RBFOX1: variants seen among roughly 807,000 people sequenced by gnomAD.
The protein encoded by RBFOX1 is RNA binding fox-1 homolog 1.
A neutral mutation model predicts 57.7 loss-of-function variants in RBFOX1; 8 were observed. The observed-to-expected ratio is 0.14, with a 90% CI of 0.08 to 0.25. The LOEUF (loss-of-function observed/expected upper bound fraction) is 0.25, where lower values mean the gene tolerates loss of function less well. Ranked by LOEUF, RBFOX1 falls within the 10% of genes least tolerant of loss-of-function variation. RBFOX1 has a pLI of 1.00. For missense variants in RBFOX1, 611 were observed against 548.5 expected, an observed-to-expected ratio of 1.11 and a Z score of -1.14; for synonymous variants, 326 against 222.4, an observed-to-expected ratio of 1.47 and a Z score of -4.15.
At chr16:7,269,476 G>C (rs1393645808) in intron 4 of RBFOX1, among the ~76,000 whole-genome samples, 1 of 152,092 alleles carries the variant, frequency 6.6e-6, no homozygotes, top group Non-Finnish European at 1.5e-5. Context: ...GAGAGAGAGA[G>C]AGGCAGACAG....
chr16:6,738,311 A>T (rs1285743973), intron 3 of RBFOX1, among the ~76,000 whole-genome samples: 1 of 151,988 alleles, frequency 6.6e-6, no homozygotes, highest in Non-Finnish European at 1.5e-5. Context: ...AGAGGAGGGG[A>T]ACTGAGATGA....
chr16:7,056,157 C>A (rs955637026), intron 4 of RBFOX1, among the ~76,000 whole-genome samples: 4 of 152,160 alleles, frequency 2.6e-5, no homozygotes, highest in Non-Finnish European at 5.9e-5. Flanking sequence ...CAGATGCTGT[C>A]CATGAGCTTC....
chr16:6,896,386 CTTT>C (rs1217965494), intron 3 of RBFOX1, among the ~76,000 whole-genome samples: 1 of 152,072 alleles, frequency 6.6e-6, no homozygotes, highest in Non-Finnish European at 1.5e-5. Flanking sequence ...CTTTTTCTTT[CTTT>C]TTTTCTTTAA....
rs537772475 is a variant in RBFOX1, at chr16:7,448,548, A to G, written c.28-69599A>G. ...AACAGCATGGGGAAGACCCACCTCTATGATTCAGTTACCTCCAACCGGGTC... is the reference window on the plus strand; with the variant it reads ...AACAGCATGGGGAAGACCCACCTCTGTGATTCAGTTACCTCCAACCGGGTC... On this transcript the variant is annotated intron_variant, in intron 4 of 15. Transcript: ENST00000550418. Among the ~76,000 whole-genome samples the G allele has an allele frequency of 1.1e-3, 170 of 152,276 alleles. 1 individual carries two copies. The highest frequency in any genetic ancestry group is 3.7e-3 in the African/African-American group (153 of 41,554).
chr16:5,377,739 G>A (rs139038228), intron 1 of RBFOX1, among the ~76,000 whole-genome samples: 4 of 151,448 alleles, frequency 2.6e-5, no homozygotes, highest in East Asian at 1.9e-4. Flanking sequence ...AAGACAGAAC[G>A]TCTGTCTCCA....
rs556663213 is a variant in RBFOX1, at chr16:6,226,971, A to G, written c.-126-90024A>G. The stretch of plus-strand genomic sequence containing the variant: ...TAAAAAAAAAAAAAAAAAAAATACA[A>G]AAATTAGCTGGGTGTGGTAGCAGGC... On this transcript the variant is annotated intron_variant, in intron 1 of 15. Coordinates refer to ENST00000550418, the MANE Select transcript of RBFOX1 (RefSeq NM_018723.4). Among the ~76,000 whole-genome samples, 13 of 151,418 alleles carry G rather than the reference A, an allele frequency of 8.6e-5. No homozygotes were observed. In the East Asian group the frequency reaches 2.5e-3, roughly 29 times the overall value.
At chr16:5,990,980 G>GA (rs562706023) in intron 4 of RBFOX1, among the ~76,000 whole-genome samples, 5 of 151,654 alleles carry the variant, frequency 3.3e-5, no homozygotes, top group East Asian at 1.9e-4. Context: ...GTCAGAGAGA[G>GA]AAAAAAAATA....
chr16:6,707,478 G>GTTTTTTTTTTTTT (rs61418784), intron 3 of RBFOX1, among the ~76,000 whole-genome samples: 6 of 128,306 alleles, frequency 4.7e-5, no homozygotes, highest in African/African-American at 1.8e-4. Flanking sequence ...TCCCATTTTT[G>GTTTTTTTTTTTTT]TTTTTTTTTT....
rs577436056 is a variant in RBFOX1 at position 5,698,060 on chromosome 16, G to A, written c.318+99099G>A. ...TTAATAGGAGTTCTGGTTTTGAATC[G>A]TTATTGGATTTTTGGACTAAACATT... is the stretch of plus-strand genomic sequence containing the variant. On this transcript the variant is annotated intron_variant, in intron 3 of 19. Coordinates refer to the RBFOX1 transcript ENST00000641259. Among the ~76,000 whole-genome samples, 14 of 152,114 alleles carry A rather than the reference G, an allele frequency of 9.2e-5. 1 individual carries two copies. The South Asian group carries it at 1.9e-3, about 20-fold the overall frequency.
At chr16:6,934,367 A>AT (rs570301951) in intron 3 of RBFOX1, among the ~76,000 whole-genome samples, 31 of 152,188 alleles carry the variant, frequency 2.0e-4, no homozygotes, top group Non-Finnish European at 4.1e-4. Flanking sequence ...ATATGTGAGT[A>AT]TTTTTTTACA....
intron 11 of RBFOX1, among the ~76,000 whole-genome samples, chr16:7,650,003 G>GAGGGGGGAAGGACAGGA (rs1555715870): frequency 1.3e-5 from 2 of 149,450 alleles, no homozygotes; most frequent in Non-Finnish European, 3.0e-5. Flanking sequence ...AAAGGAAAAG[G>GAGGGGGGAAGGACAGGA]AGGAGGGAAG....
chr16:6,781,777 G>C (rs1277664417), intron 3 of RBFOX1, among the ~76,000 whole-genome samples: 1 of 151,834 alleles, frequency 6.6e-6, no homozygotes. Flanking sequence ...TATTTTCTTA[G>C]CTCTGATTTC....
chr16:6,298,679 C>G (rs186884733), intron 1 of RBFOX1, among the ~76,000 whole-genome samples: 1 of 152,240 alleles, frequency 6.6e-6, no homozygotes, highest in Admixed American at 6.5e-5. Flanking sequence ...AGTGAAAATA[C>G]CCTTAGTGTT....
At chr16:7,704,711 T>TACAACATGAAGGGGTAGGGATGAA (rs2081887770) in intron 14 of RBFOX1, among the ~76,000 whole-genome samples, 1 of 152,128 alleles carries the variant, frequency 6.6e-6, no homozygotes, top group South Asian at 2.1e-4. Flanking sequence ...AGAGTTGCTA[T>TACAACATGAAGGGGTAGGGATGAA]ACAACATGAA....
At chr16:6,229,446 G>C (rs2097442173) in intron 1 of RBFOX1, among the ~76,000 whole-genome samples, 2 of 152,022 alleles carry the variant, frequency 1.3e-5, no homozygotes, top group Non-Finnish European at 2.9e-5. Context: ...TTTGTTCTGT[G>C]TGTTTGAATC....
intron 3 of RBFOX1, among the ~76,000 whole-genome samples, chr16:6,912,273 A>C (rs1465979311): frequency 1.3e-5 from 2 of 152,188 alleles, no homozygotes; most frequent in African/African-American, 4.8e-5. Flanking sequence ...TGTTAAAATG[A>C]AGGTTGCTGT....
At chr16:7,692,642 A>T (rs2077604364) in intron 14 of RBFOX1, among the ~76,000 whole-genome samples, 1 of 152,186 alleles carries the variant, frequency 6.6e-6, no homozygotes, top group East Asian at 1.9e-4. Flanking sequence ...AGAACACATA[A>T]TATCGTGGAA....
intron 2 of RBFOX1, among the ~76,000 whole-genome samples, chr16:6,450,785 A>ATATGTATATATG (rs2094581389): frequency 1.8e-5 from 1 of 54,516 alleles, no homozygotes; most frequent in African/African-American, 9.4e-5. Context: ...ATATATATAT[A>ATATGTATATATG]TATACATATA....
chr16:6,717,007 G>T (rs534064972), intron 3 of RBFOX1, among the ~76,000 whole-genome samples: 17 of 152,134 alleles, frequency 1.1e-4, no homozygotes, highest in Non-Finnish European at 2.1e-4. Context: ...AGAAGAGCTT[G>T]CTTTCTCTCT....
Sources: allele counts gnomAD v4.1 joint callset (sites outside exome capture counted in the v4.1 genomes callset), GRCh38; gene constraint gnomAD v4.1.1; transcripts MANE v1.5; gene names NCBI Gene and HGNC (gene_info 2026-07-23, HGNC 2026-07-21).